IQCK: variants seen among roughly 807,000 people sequenced by gnomAD.
The protein encoded by IQCK is IQ motif containing K, also known as IQ domain-containing protein K.
IQCK carries 29 observed loss-of-function variants against 28.1 expected under a neutral mutation model. The ratio of observed to expected loss-of-function variants is 1.03; its 90% CI spans 0.77 to 1.41. IQCK has a LOEUF of 1.41. Ranked by LOEUF, IQCK falls within the 40% of genes most tolerant of loss-of-function variation. The probability of loss-of-function intolerance (pLI) is 0.00; values close to 1 mark genes in which losing one functional copy is unlikely to be tolerated. For synonymous variants in IQCK, 113 were observed against 115.1 expected, an observed-to-expected ratio of 0.98 and a Z score of 0.12; for missense variants, 359 against 314.7, an observed-to-expected ratio of 1.14 and a Z score of -1.07.
chr16:19,757,398 C>T (rs1045201938), intron 4 of IQCK, among the ~76,000 whole-genome samples: 4 of 152,312 alleles, frequency 2.6e-5, no homozygotes, highest in East Asian at 1.9e-4. Flanking sequence ...TTCGGCTGGG[C>T]GCTGTGGCTC....
intron 6 of IQCK, among the ~76,000 whole-genome samples, chr16:19,773,309 C>T (rs993058886): frequency 5.9e-5 from 9 of 152,096 alleles, no homozygotes; most frequent in African/African-American, 2.2e-4. Flanking sequence ...GGTCACCCCT[C>T]CAGAGACCCA....
intron 4 of IQCK, among the ~76,000 whole-genome samples, chr16:19,745,602 A>C (rs2054899840): frequency 6.6e-6 from 1 of 152,180 alleles, no homozygotes; most frequent in Non-Finnish European, 1.5e-5. Context: ...CCTGAAATGA[A>C]ATGCTTAGAT....
chr16:19,745,455 C>T lies in IQCK; in HGVS notation c.474+10005C>T, dbSNP rs957634670. ...GAGTTTGACAGGGTCAGCCCCGCAG[C>T]GGCCGTAACATCACATGGGCCAGTA... On this transcript the variant is annotated intron_variant, in intron 4 of 7. Coordinates refer to ENST00000564186, the Ensembl canonical transcript of IQCK. 6.6e-5 allele frequency among the ~76,000 whole-genome samples: 10 copies of T among 152,108 alleles called. 1 individual carries two copies. Among genetic ancestry groups the T allele is most frequent in the South Asian group, 4.1e-4 (2 of 4,824 alleles).
intron 7 of IQCK, among the ~76,000 whole-genome samples, chr16:19,809,135 G>C (rs184615701): frequency 6.6e-6 from 1 of 152,340 alleles, no homozygotes; most frequent in Non-Finnish European, 1.5e-5. Flanking sequence ...GGGATTACAG[G>C]CGTAAGCCAC....
intron 6 of IQCK, among the ~76,000 whole-genome samples, chr16:19,784,295 T>C (rs1362550295): frequency 6.6e-6 from 1 of 152,198 alleles, no homozygotes; most frequent in Non-Finnish European, 1.5e-5. Context: ...TCGATGCTAC[T>C]GACCTTGTGA....
intron 4 of IQCK, among the ~76,000 whole-genome samples, chr16:19,737,004 A>T (rs1978035424): frequency 6.6e-6 from 1 of 151,792 alleles, no homozygotes; most frequent in South Asian, 2.1e-4. Context: ...AAAAAAAAGA[A>T]AAAGAAAATT....
At chr16:19,843,896 A>C (rs2056387586) in intron 9 of IQCK, among the ~76,000 whole-genome samples, 1 of 152,164 alleles carries the variant, frequency 6.6e-6, no homozygotes, top group Admixed American at 6.5e-5. Context: ...GCTTCATCAT[A>C]TGAATTCTGA....
chr16:19,812,239 G>A (rs778246007), intron 7 of IQCK, among the ~76,000 whole-genome samples: 6 of 151,984 alleles, frequency 3.9e-5, no homozygotes, highest in Non-Finnish European at 7.4e-5. Flanking sequence ...CGCCCACCTG[G>A]GCCTCCCAAA....
chr16:19,803,717 A>G (rs2055791060), intron 7 of IQCK, among the ~76,000 whole-genome samples: 1 of 152,136 alleles, frequency 6.6e-6, no homozygotes, highest in Non-Finnish European at 1.5e-5. Flanking sequence ...CAGTGGTGCA[A>G]TCATAGCTCA....
At chr16:19,761,249 G>A (rs189458674) in intron 4 of IQCK, 148 of 362,216 alleles carry the variant, frequency 4.1e-4, no homozygotes, top group Non-Finnish European at 6.1e-4. Context: ...GTTACATTCC[G>A]AAGGGGTTAT....
intron 6 of IQCK, among the ~76,000 whole-genome samples, chr16:19,769,071 T>TG (rs2055282356): frequency 1.3e-5 from 2 of 152,156 alleles, no homozygotes; most frequent in Admixed American, 1.3e-4. Context: ...GGCCTTAAGT[T>TG]TTCCCCATCT....
chr16:19,763,965 A>T (rs2055190253), intron 5 of IQCK, 65 bp downstream of exon 5: 1 of 1,594,578 alleles, frequency 6.3e-7, no homozygotes, highest in South Asian at 1.1e-5. Context: ...TTGCAAGCAG[A>T]ATAGCAACAA....
intron 7 of IQCK, among the ~76,000 whole-genome samples, chr16:19,824,479 C>T (rs996455811): frequency 2.0e-5 from 3 of 152,156 alleles, no homozygotes; most frequent in African/African-American, 4.8e-5. Context: ...GGCCATGGAC[C>T]GGTACCAGCA....
chr16:19,741,030 T>G (rs1026390257), intron 4 of IQCK, among the ~76,000 whole-genome samples: 1 of 151,460 alleles, frequency 6.6e-6, no homozygotes, highest in African/African-American at 2.4e-5. Flanking sequence ...CCATGTTTGG[T>G]TCTGTTCAAC....
chr16:19,720,668 G>C (rs375439050), intron 1 of IQCK, among the ~76,000 whole-genome samples: 1 of 152,166 alleles, frequency 6.6e-6, no homozygotes, highest in Non-Finnish European at 1.5e-5. Context: ...AAAGACAAAG[G>C]GTTTTGGTTC....
At chr16:19,719,691 T>C (rs1449675538) in intron 1 of IQCK, among the ~76,000 whole-genome samples, 1 of 148,610 alleles carries the variant, frequency 6.7e-6, no homozygotes, top group African/African-American at 2.5e-5. Context: ...TTTTTTTTTT[T>C]TGAGACGGCA....
intron 3 of IQCK, among the ~76,000 whole-genome samples, chr16:19,735,043 C>T (rs1323076032): frequency 6.6e-6 from 1 of 152,128 alleles, no homozygotes; most frequent in East Asian, 1.9e-4. Context: ...TCCTACCACA[C>T]TCCCCTTGTT....
chr16:19,814,316 A>T (rs2055952136), intron 7 of IQCK, among the ~76,000 whole-genome samples: 1 of 151,690 alleles, frequency 6.6e-6, no homozygotes, highest in Non-Finnish European at 1.5e-5. Flanking sequence ...GAGACAGGAG[A>T]ATCACTTGAA....
At chr16:19,765,623 C>T (rs1023247558) in intron 6 of IQCK, among the ~76,000 whole-genome samples, 4 of 152,002 alleles carry the variant, frequency 2.6e-5, no homozygotes, top group African/African-American at 9.7e-5. Context: ...ATGAATAGAC[C>T]CTTGGCTGAC....
Sources: allele counts gnomAD v4.1 joint callset (sites outside exome capture counted in the v4.1 genomes callset), GRCh38; gene constraint gnomAD v4.1.1; transcripts MANE v1.5; gene names NCBI Gene and HGNC (gene_info 2026-07-23, HGNC 2026-07-21).